The following MAPKBP1 variants were observed in gnomAD, a reference collection of about 807,000 sequenced individuals.
MAPKBP1 encodes mitogen-activated protein kinase binding protein 1.
A neutral mutation model predicts 170.5 loss-of-function variants in MAPKBP1; 71 were observed. The ratio of observed to expected loss-of-function variants is 0.42; its 90% CI spans 0.34 to 0.51. The LOEUF is 0.51. Ranked by LOEUF, MAPKBP1 falls within the 20% of genes least tolerant of loss-of-function variation. The pLI is 0.06. For synonymous variants in MAPKBP1, 719 were observed against 757.9 expected (o/e 0.95, Z 0.84); for missense variants, 1,598 against 1,933.0 (o/e 0.83, Z 3.25).
intron 3 of MAPKBP1, among the ~76,000 whole-genome samples, chr15:41,804,012 G>C (rs1288100734): frequency 6.6e-6 from 1 of 152,084 alleles, no homozygotes; most frequent in Non-Finnish European, 1.5e-5. Context: ...AGCTAATTTT[G>C]TATTTTTAGT....
At chr15:41,824,415 G>A in intron 29 of MAPKBP1, 69 bp from the exon 30 acceptor site, 5 of 1,403,820 alleles carry the variant, frequency 3.6e-6, no homozygotes, top group Non-Finnish European at 4.9e-6. Context: ...CCTGTTCTGA[G>A]TGTCTTGGGT....
chr15:41,777,693 C>G (rs530679635), intron 2 of MAPKBP1, among the ~76,000 whole-genome samples: 1 of 152,332 alleles, frequency 6.6e-6, no homozygotes, highest in African/African-American at 2.4e-5. Flanking sequence ...TAAAAGGTCT[C>G]TACCTGAGAT....
At chr15:41,803,434 A>AAAAAAAAACAAAG (rs58804270) in intron 3 of MAPKBP1, among the ~76,000 whole-genome samples, 1 of 90,758 alleles carries the variant, frequency 1.1e-5, no homozygotes. Flanking sequence ...AAAAAAAAAA[A>AAAAAAAAACAAAG]AGGTTAAGCA....
chr15:41,778,215 G>A (rs370848145), intron 2 of MAPKBP1, among the ~76,000 whole-genome samples: 27 of 152,268 alleles, frequency 1.8e-4, no homozygotes, highest in African/African-American at 6.5e-4. Flanking sequence ...AATATAGTGC[G>A]GGATAAACTT....
chr15:41,810,208 TTTC>T (rs1255217080), intron 3 of MAPKBP1, among the ~76,000 whole-genome samples: 5 of 152,164 alleles, frequency 3.3e-5, no homozygotes, highest in Non-Finnish European at 1.5e-5. Context: ...CCAAATCACA[TTTC>T]TTCTTCCCTC....
intron 23 of MAPKBP1, 149 bp downstream of exon 23, chr15:41,821,217 T>C (rs922447339): frequency 7.8e-6 from 6 of 767,066 alleles, no homozygotes; most frequent in Admixed American, 4.6e-5. Context: ...AGGATGGGGG[T>C]GGCTGGGCTG....
chr15:41,784,233 A>T (rs1186751360), intron 2 of MAPKBP1, among the ~76,000 whole-genome samples: 1 of 152,166 alleles, frequency 6.6e-6, no homozygotes, highest in Admixed American at 6.5e-5. Context: ...CTTTCTGCTT[A>T]TGATGTTCTT....
At position 41,822,643 on chromosome 15, in the gene MAPKBP1, C is replaced by G. The variant is rs536227503; in HGVS notation, c.3280C>G (p.Arg1094Gly). The G allele has an allele frequency of 3.7e-6, 6 of 1,613,970 alleles. No individual in the cohort carries two copies. Among genetic ancestry groups the G allele is most frequent in the East Asian group, 2.2e-5 (1 of 44,886 alleles). The stretch of plus-strand genomic sequence containing the variant: ...GTCAGAGTCTCGGAGTATCTCTTCA[C>G]GATTCCTGTTGCAAGTACAGACCCG... ...ERSESRSISSRFLLQVQTRPL... is the reference protein window; with the variant it reads ...ERSESRSISSGFLLQVQTRPL... Residue 1094 changes from arginine (R) to glycine (G), a missense_variant, in exon 27 of 31, where the codon CGA becomes GGA. Transcript: ENST00000457542.
Position 41,818,365 on chromosome 15 carries a change from C to A in MAPKBP1, c.2092+60C>A. 6.7e-7 allele frequency: 1 copy of A among 1,481,956 alleles called. No individual in the cohort carries two copies. Among genetic ancestry groups the A allele is most frequent in the Non-Finnish European group, 9.4e-7 (1 of 1,061,792 alleles). 91.8% of individuals were successfully genotyped at this position (1,481,956 alleles called of 1,614,324 possible). On this transcript the variant is annotated intron_variant, in intron 18 of 30. Coordinates refer to ENST00000457542, the MANE Select transcript of MAPKBP1 (RefSeq NM_014994.3). This position sits in a 1 kb window ranked among gnomAD's most constrained non-coding sequence, Gnocchi z 5.2. ...TACCTGCGTAAACCTGAGTGAGTTC[C>A]ACCCCTGGAACTTCACTCTTCTATT...
Position 41,814,850 on chromosome 15 carries a change from G to A in MAPKBP1, c.1170+111G>A, listed in dbSNP as rs1179712728. 4.5e-6 allele frequency: 6 copies of A among 1,337,680 alleles called. No individual in the cohort carries two copies. The East Asian group carries it at 1.2e-4, about 26-fold the overall frequency. 82.9% of individuals were successfully genotyped at this position (1,337,680 alleles called of 1,614,324 possible). ...AATCTTAGATTCCTGCTGCCTCCCT[G>A]TTTCTCCAGTGACTTCCCTGGGATA... On this transcript the variant is annotated intron_variant, in intron 10 of 30. Transcript: ENST00000457542.
At chr15:41,810,557 A>G (rs1327708837) in intron 3 of MAPKBP1, 20 of 263,502 alleles carry the variant, frequency 7.6e-5, no homozygotes, top group East Asian at 7.6e-5. Context: ...AAAAAAAAAA[A>G]AAAAATACAA....
intron 2 of MAPKBP1, among the ~76,000 whole-genome samples, chr15:41,794,068 C>T (rs1375199471): frequency 2.0e-5 from 3 of 152,050 alleles, no homozygotes; most frequent in Non-Finnish European, 4.4e-5. Flanking sequence ...CATCTCCCCA[C>T]TAAAAATACA....
chr15:41,822,626 C>T lies in MAPKBP1; in HGVS notation c.3263C>T (p.Ser1088Phe), dbSNP rs148176335. ...GTGCAGGTCCCAGAGAGGTCAGAGT[C>T]TCGGAGTATCTCTTCACGATTCCTG... Reference protein sequence around the residue: ...APVQVPERSESRSISSRFLLQ... With the variant: ...APVQVPERSEFRSISSRFLLQ... The change falls in exon 27 of 31, where the codon TCT becomes TTT. Residue 1088 changes from serine to phenylalanine, a missense_variant. Coordinates refer to ENST00000457542, the MANE Select transcript of MAPKBP1 (RefSeq NM_014994.3). 1 of 1,614,078 alleles carries T rather than the reference C, an allele frequency of 6.2e-7. No homozygotes were observed. The highest frequency in any genetic ancestry group is 1.7e-5 in the Admixed American group (1 of 60,014).
intron 7 of MAPKBP1, 89 bp from the exon 8 acceptor site, chr15:41,812,830 T>C: frequency 2.7e-6 from 4 of 1,484,720 alleles, no homozygotes; most frequent in Non-Finnish European, 3.6e-6. Context: ...AAGGAGGTGC[T>C]GGAGGCGTCC....
rs577664042 is a variant in MAPKBP1, at chr15:41,821,261, G to T, written c.2718+193G>T. On this transcript the variant is annotated intron_variant, in intron 23 of 30. Transcript: ENST00000457542. ...GGTCATCAGGATAGGCAGGGGAGGGGTTGGGGTAGAGAGGCAAAAGTGGCC... is the reference window on the plus strand; with the variant it reads ...GGTCATCAGGATAGGCAGGGGAGGGTTTGGGGTAGAGAGGCAAAAGTGGCC... The T allele has an allele frequency of 1.5e-4, 99 of 644,902 alleles. 1 individual carries two copies. The African/African-American group carries it at 1.6e-3, about 10-fold the overall frequency. The allele number at this position is 644,902 out of a possible 1,614,324, so 39.9% of individuals were successfully genotyped here.
chr15:41,817,796 G>A lies in MAPKBP1; in HGVS notation c.1904+61G>A. ...TTCATCTCCCTACGGGGTCAGCTCT[G>A]TGCAGCTAAGTTCCCACATCTGTCG... On this transcript the variant is annotated intron_variant, in intron 16 of 30. Coordinates refer to ENST00000457542, the MANE Select transcript of MAPKBP1 (RefSeq NM_014994.3). The surrounding 1 kb of genome is among the most constrained non-coding windows in gnomAD (Gnocchi z 4.2). The A allele has an allele frequency of 6.3e-7, 1 of 1,594,430 alleles. No homozygotes were observed. Among genetic ancestry groups the A allele is most frequent in the Non-Finnish European group, 8.5e-7 (1 of 1,170,004 alleles).
intron 3 of MAPKBP1, among the ~76,000 whole-genome samples, chr15:41,803,434 A>AAAAAAAAGG (rs58804270): frequency 6.6e-5 from 6 of 90,758 alleles, no homozygotes; most frequent in Admixed American, 1.6e-4. Context: ...AAAAAAAAAA[A>AAAAAAAAGG]AGGTTAAGCA....
chr15:41,774,518 C>CGT lies in MAPKBP1; in HGVS notation c.-202_-201insGT, dbSNP rs2064060648. The CGT allele has an allele frequency of 2.5e-6, 1 of 398,408 alleles. No homozygotes were observed. The highest frequency in any genetic ancestry group is 1.3e-4 in the South Asian group (1 of 7,870). The allele number at this position is 398,408 out of a possible 1,614,324, so 24.7% of individuals were successfully genotyped here. On this transcript the variant is annotated 5_prime_UTR_variant, in exon 1 of 31. Coordinates refer to ENST00000457542, the MANE Select transcript of MAPKBP1 (RefSeq NM_014994.3). ...GTGCCACCATAGCTCCTGCTGCTGC[C>CGT]TCTACCGCTGCGGCTACCGCGGCGG... is the stretch of plus-strand genomic sequence containing the variant.
At chr15:41,785,714 T>G (rs59959451) in intron 2 of MAPKBP1, among the ~76,000 whole-genome samples, 2 of 151,614 alleles carry the variant, frequency 1.3e-5, no homozygotes, top group Admixed American at 1.3e-4. Context: ...TATTAAAAAA[T>G]TTTTTTTTGC....
Sources: allele counts gnomAD v4.1 joint callset (sites outside exome capture counted in the v4.1 genomes callset), GRCh38; gene constraint gnomAD v4.1.1; non-coding constraint Gnocchi (gnomAD v3.1); transcripts MANE v1.5; gene names NCBI Gene and HGNC (gene_info 2026-07-23, HGNC 2026-07-21).